TENM3: variants seen among roughly 807,000 people sequenced by gnomAD.
TENM3 encodes the protein teneurin-3.
TENM3 carries 63 observed loss-of-function variants against 255.1 expected under a neutral mutation model. The observed-to-expected ratio is 0.25, with a 90% confidence interval of 0.20 to 0.30. The LOEUF (loss-of-function observed/expected upper bound fraction) is 0.30, where lower values mean the gene tolerates loss of function less well. TENM3 is among the 10% of genes least tolerant of loss of function. The pLI is 1.00. For synonymous variants in TENM3, 1,306 were observed against 1,322.3 expected (o/e 0.99, Z 0.27); for missense variants, 2,929 against 3,461.1 (o/e 0.85, Z 3.86).
intron 1 of TENM3, among the ~76,000 whole-genome samples, chr4:182,289,840 G>A (rs115680570): frequency 1.4e-4 from 21 of 152,208 alleles, no homozygotes; most frequent in African/African-American, 3.6e-4. Context: ...ACTCCCTAGC[G>A]TGTTGACCAA....
the TENM3 span, among the ~76,000 whole-genome samples, chr4:182,083,427 T>C: frequency 6.6e-6 from 1 of 152,208 alleles, no homozygotes. Flanking sequence ...AGGAACTCTG[T>C]ACATGGAAAA....
the TENM3 span, among the ~76,000 whole-genome samples, chr4:181,479,211 G>C: frequency 6.6e-6 from 1 of 152,066 alleles, no homozygotes; most frequent in Non-Finnish European, 1.5e-5. Flanking sequence ...ATCATGTTAG[G>C]TAACCATTAT....
At chr4:181,634,910 A>G in the TENM3 span, among the ~76,000 whole-genome samples, 1 of 152,174 alleles carries the variant, frequency 6.6e-6, no homozygotes, top group African/African-American at 2.4e-5. Context: ...CTCCGTATAC[A>G]CTTTTATGAA....
the TENM3 span, among the ~76,000 whole-genome samples, chr4:181,538,850 T>C: frequency 1.3e-5 from 2 of 152,228 alleles, no homozygotes; most frequent in African/African-American, 4.8e-5. Context: ...TCTTTCTTTG[T>C]TCTAAATAAA....
At chr4:182,500,689 G>A (rs991675399) in intron 3 of TENM3, among the ~76,000 whole-genome samples, 10 of 152,076 alleles carry the variant, frequency 6.6e-5, no homozygotes, top group Non-Finnish European at 1.5e-4. Context: ...TATGGGGAGA[G>A]AAATGCATAC....
At chr4:181,800,481 A>C in the TENM3 span, among the ~76,000 whole-genome samples, 1 of 152,242 alleles carries the variant, frequency 6.6e-6, no homozygotes, top group African/African-American at 2.4e-5. Context: ...AAAGTGCAAA[A>C]AATTAGCTGG....
At chr4:182,010,066 G>T in the TENM3 span, among the ~76,000 whole-genome samples, 1 of 152,270 alleles carries the variant, frequency 6.6e-6, no homozygotes, top group Admixed American at 6.5e-5. Flanking sequence ...TACTTTGGTT[G>T]CCAGTGAAAT....
At chr4:182,035,576 T>C in the TENM3 span, among the ~76,000 whole-genome samples, 1 of 152,220 alleles carries the variant, frequency 6.6e-6, no homozygotes, top group African/African-American at 2.4e-5. Context: ...ACATTATCTA[T>C]TGGCTAGTGT....
At chr4:181,689,188 A>T in the TENM3 span, among the ~76,000 whole-genome samples, 1 of 152,176 alleles carries the variant, frequency 6.6e-6, no homozygotes, top group Non-Finnish European at 1.5e-5. Context: ...TTTAGAATTC[A>T]TGTTTCCAGT....
intron 1 of TENM3, among the ~76,000 whole-genome samples, chr4:182,201,455 G>C (rs556658246): frequency 6.6e-6 from 1 of 152,272 alleles, no homozygotes; most frequent in East Asian, 1.9e-4. Flanking sequence ...TGTGTGACAG[G>C]ACAGGATCTG....
chr4:182,338,428 G>C (rs1052501176), intron 2 of TENM3, among the ~76,000 whole-genome samples: 31 of 152,112 alleles, frequency 2.0e-4, no homozygotes, highest in Admixed American at 1.6e-3. Context: ...ATTTTCATCT[G>C]TTTCCAAATA....
At chr4:181,730,561 G>A in the TENM3 span, among the ~76,000 whole-genome samples, 1 of 152,254 alleles carries the variant, frequency 6.6e-6, no homozygotes, top group Admixed American at 6.5e-5. Context: ...ATGTTTCCCA[G>A]GAAGAAGGGG....
intron 3 of TENM3, among the ~76,000 whole-genome samples, chr4:182,513,700 TG>T (rs1373893567): frequency 6.6e-6 from 1 of 152,216 alleles, no homozygotes; most frequent in Non-Finnish European, 1.5e-5. Flanking sequence ...CTGTGACATC[TG>T]GGGCCTTGCT....
intron 5 of TENM3, among the ~76,000 whole-genome samples, chr4:182,646,351 G>T (rs992866540): frequency 6.6e-6 from 1 of 152,124 alleles, no homozygotes; most frequent in Non-Finnish European, 1.5e-5. Context: ...AATTATGAAA[G>T]GAAAATAAAG....
the TENM3 span, among the ~76,000 whole-genome samples, chr4:181,996,945 T>C: frequency 3.9e-5 from 6 of 152,206 alleles, no homozygotes; most frequent in African/African-American, 9.6e-5. Flanking sequence ...AATGAATGAA[T>C]GACTGATGGT....
At chr4:182,708,280 G>C (rs776029017) in intron 12 of TENM3, among the ~76,000 whole-genome samples, 1 of 152,122 alleles carries the variant, frequency 6.6e-6, no homozygotes, top group Non-Finnish European at 1.5e-5. Flanking sequence ...AAAGTGCTTC[G>C]TGTGTGTCCC....
the TENM3 span, among the ~76,000 whole-genome samples, chr4:182,015,825 G>C: frequency 6.6e-6 from 1 of 152,122 alleles, no homozygotes; most frequent in African/African-American, 2.4e-5. Flanking sequence ...GGGATTACAG[G>C]CGTGAGCCAC....
chr4:182,732,023 CG>C (rs1217435189), intron 16 of TENM3, among the ~76,000 whole-genome samples: 1 of 151,904 alleles, frequency 6.6e-6, no homozygotes, highest in Non-Finnish European at 1.5e-5. Context: ...CCTCGTGATC[CG>C]CCCACCTTGA....
intron 12 of TENM3, among the ~76,000 whole-genome samples, chr4:182,695,909 G>A (rs974022331): frequency 6.6e-6 from 1 of 152,160 alleles, no homozygotes; most frequent in Non-Finnish European, 1.5e-5. Context: ...GAATTCCTGT[G>A]TTTGTAGGGT....
Sources: allele counts gnomAD v4.1 joint callset (sites outside exome capture counted in the v4.1 genomes callset), GRCh38; gene constraint gnomAD v4.1.1; transcripts MANE v1.5; gene names NCBI Gene and HGNC (gene_info 2026-07-23, HGNC 2026-07-21).